The following ACSS3 variants were observed in gnomAD, a reference collection of about 807,000 sequenced individuals.
ACSS3 encodes the protein acyl-CoA synthetase short chain family member 3, also known as acyl-CoA synthetase short-chain family member 3, mitochondrial.
ACSS3 carries 64 observed loss-of-function variants against 84.2 expected under a neutral mutation model. The observed-to-expected ratio is 0.76, with a 90% CI of 0.62 to 0.94. The LOEUF (loss-of-function observed/expected upper bound fraction) is 0.94. Ranked by LOEUF, ACSS3 falls within the 40% of genes least tolerant of loss-of-function variation. ACSS3 has a pLI of 0.00. For missense variants in ACSS3, 815 were observed against 867.6 expected, an observed-to-expected ratio of 0.94 and a Z score of 0.76; for synonymous variants, 317 against 310.1, an observed-to-expected ratio of 1.02 and a Z score of -0.23.
At chr12:81,122,260 G>T (rs1251803142) in intron 2 of ACSS3, among the ~76,000 whole-genome samples, 3 of 151,790 alleles carry the variant, frequency 2.0e-5, no homozygotes, top group African/African-American at 4.8e-5. Context: ...GTATCAAAAT[G>T]AAAACACAAC....
chr12:81,185,105 T>G lies in ACSS3; in HGVS notation c.1250+10166T>G, dbSNP rs565900146. 3.3e-5 allele frequency among the ~76,000 whole-genome samples: 5 copies of G among 151,844 alleles called. No individual in the cohort carries two copies. The South Asian group carries it at 1.0e-3, about 31-fold the overall frequency. The stretch of plus-strand genomic sequence containing the variant: ...AAATCTATCAGTGTGATACATCACA[T>G]TAACAGGATCATCATAATTAACATA... On this transcript the variant is annotated intron_variant, in intron 8 of 15. Coordinates refer to ENST00000548058, the MANE Select transcript of ACSS3 (RefSeq NM_024560.4).
intron 13 of ACSS3, among the ~76,000 whole-genome samples, chr12:81,252,575 A>C (rs1196561636): frequency 6.6e-6 from 1 of 152,114 alleles, no homozygotes; most frequent in East Asian, 1.9e-4. Context: ...AAAAATTTTG[A>C]ATATGCATTT....
At chr12:81,199,971 A>G (rs1488136446) in intron 9 of ACSS3, 3 of 189,348 alleles carry the variant, frequency 1.6e-5, no homozygotes, top group Non-Finnish European at 3.3e-5. Flanking sequence ...TATTCTGCCT[A>G]GCATTAAAGG....
chr12:81,181,353 G>A (rs2030908771), intron 8 of ACSS3, among the ~76,000 whole-genome samples: 1 of 152,148 alleles, frequency 6.6e-6, no homozygotes, highest in South Asian at 2.1e-4. Context: ...ACTGCACTCT[G>A]CCCAACCGAT....
At position 81,151,880 on chromosome 12, in the gene ACSS3, C is replaced by T. The variant is rs1171453909; in HGVS notation, c.958C>T (p.Leu320=). ...IRPTGGYAVM[L]HWSMSSIYGL... is the part of the protein sequence containing the mutation. The stretch of plus-strand genomic sequence containing the variant: ...GCCCACTGGGGGATACGCTGTCATG[C>T]TACACTGGTCAATGTCTTCCATATA... The change falls in exon 6 of 16, where the codon CTA becomes TTA. Residue 320 remains leucine (L), a synonymous_variant. Coordinates refer to ENST00000548058, the MANE Select transcript of ACSS3 (RefSeq NM_024560.4). 2.5e-6 allele frequency: 4 copies of T among 1,613,888 alleles called. No homozygotes were observed. The highest frequency in any genetic ancestry group is 3.4e-6 in the Non-Finnish European group (4 of 1,179,878).
At chr12:81,152,821 A>G (rs1266873187) in intron 7 of ACSS3, among the ~76,000 whole-genome samples, 1 of 152,206 alleles carries the variant, frequency 6.6e-6, no homozygotes, top group African/African-American at 2.4e-5. Flanking sequence ...GGAAAAATAC[A>G]TAAATATTTA....
intron 9 of ACSS3, among the ~76,000 whole-genome samples, chr12:81,213,851 C>CTCTCCTCTCT (rs796395158): frequency 0.55 from 33,273 of 60,348 alleles, 10,673 homozygotes; most frequent in Middle Eastern, 0.7. Context: ...CTCTCCTCTC[C>CTCTCCTCTCT]TCTCTTCTCT....
At chr12:81,179,028 A>G (rs982357779) in intron 8 of ACSS3, among the ~76,000 whole-genome samples, 3 of 152,118 alleles carry the variant, frequency 2.0e-5, no homozygotes, top group Non-Finnish European at 2.9e-5. Context: ...CAAACTTAAC[A>G]ATAACAAGCA....
At chr12:81,245,067 G>A (rs908549480) in intron 13 of ACSS3, among the ~76,000 whole-genome samples, 4 of 152,126 alleles carry the variant, frequency 2.6e-5, no homozygotes, top group African/African-American at 9.7e-5. Flanking sequence ...GCAGGGGGAG[G>A]AGAAGTATTC....
At chr12:81,151,792 A>G in intron 5 of ACSS3, 52 bp from the exon 6 acceptor site, 1 of 1,491,986 alleles carries the variant, frequency 6.7e-7, no homozygotes, top group East Asian at 2.3e-5. Flanking sequence ...GAAGATAGAG[A>G]GTGTTTTTAC....
chr12:81,238,402 G>A (rs1239324001), intron 13 of ACSS3, among the ~76,000 whole-genome samples: 1 of 151,716 alleles, frequency 6.6e-6, no homozygotes, highest in Non-Finnish European at 1.5e-5. Context: ...TCTGTCATTG[G>A]AACGACAGAT....
intron 2 of ACSS3, among the ~76,000 whole-genome samples, chr12:81,132,889 A>G (rs1215425927): frequency 6.6e-6 from 1 of 152,094 alleles, no homozygotes; most frequent in East Asian, 1.9e-4. Context: ...TAGTAATGTG[A>G]TAATGAAGCA....
chr12:81,254,992 C>A lies in ACSS3; in HGVS notation c.*70C>A. On this transcript the variant is annotated 3_prime_UTR_variant, in exon 16 of 16. Coordinates refer to ENST00000548058, the MANE Select transcript of ACSS3 (RefSeq NM_024560.4). ...TGAAATTAAATTATTTGAGTTGTTT[C>A]TCAGAAATAAATATTTCAGTAGAAA... 1 of 1,316,064 alleles carries A rather than the reference C, an allele frequency of 7.6e-7. No homozygotes were observed. Among genetic ancestry groups the A allele is most frequent in the Non-Finnish European group, 1.0e-6 (1 of 957,754 alleles). The allele number at this position is 1,316,064 out of a possible 1,614,324, so 81.5% of individuals were successfully genotyped here. A position where few individuals can be genotyped will look rare whatever the true frequency, so the allele number is the denominator to read the frequency against.
intron 8 of ACSS3, among the ~76,000 whole-genome samples, chr12:81,176,630 A>T (rs1402725107): frequency 6.6e-6 from 1 of 152,046 alleles, no homozygotes; most frequent in African/African-American, 2.4e-5. Context: ...AAGAAATTGA[A>T]ACCCTTAATG....
chr12:81,131,143 G>GT (rs1345693592), intron 2 of ACSS3, among the ~76,000 whole-genome samples: 8 of 152,190 alleles, frequency 5.3e-5, no homozygotes, highest in Admixed American at 1.3e-4. Flanking sequence ...CATTAAAGTA[G>GT]TTTTTTCTGA....
chr12:81,250,832 A>G (rs956582893), intron 13 of ACSS3, among the ~76,000 whole-genome samples: 2 of 152,186 alleles, frequency 1.3e-5, no homozygotes, highest in African/African-American at 4.8e-5. Flanking sequence ...AATTCATAGC[A>G]TCTAACTTTC....
intron 8 of ACSS3, among the ~76,000 whole-genome samples, chr12:81,185,453 C>G (rs913071272): frequency 4.6e-5 from 7 of 151,568 alleles, no homozygotes; most frequent in Non-Finnish European, 1.0e-4. Flanking sequence ...TCCAAAGATA[C>G]CACAAAAACG....
At chr12:81,223,845 G>C (rs1214791512) in intron 11 of ACSS3, among the ~76,000 whole-genome samples, 1 of 151,982 alleles carries the variant, frequency 6.6e-6, no homozygotes, top group Admixed American at 6.6e-5. Context: ...TCCAGATGGA[G>C]AAGTGAAAAA....
chr12:81,098,153 T>TGG (rs1882211927), intron 1 of ACSS3, among the ~76,000 whole-genome samples: 1 of 101,764 alleles, frequency 9.8e-6, no homozygotes, highest in Non-Finnish European at 1.8e-5. Context: ...AGAGAGAGAG[T>TGG]GTGTGTGTGT....
Sources: gnomAD v4.1 joint callset for allele counts (sites outside exome capture counted in the v4.1 genomes callset) on GRCh38, gnomAD v4.1.1 for gene constraint, MANE v1.5 for transcripts, NCBI Gene and HGNC (gene_info 2026-07-23, HGNC 2026-07-21) for gene names.